CCDC102B: variants seen among roughly 807,000 people sequenced by gnomAD.
CCDC102B encodes coiled-coil domain-containing protein 102B.
In CCDC102B, 75 loss-of-function variants were observed where a neutral mutation model predicts 57.4. The ratio of observed to expected loss-of-function variants is 1.31; its 90% CI spans 1.08 to 1.58. The LOEUF (loss-of-function observed/expected upper bound fraction) is 1.58. Ranked by LOEUF, CCDC102B falls within the 40% of genes most tolerant of loss-of-function variation. CCDC102B has a pLI of 0.00. For synonymous variants in CCDC102B, 206 were observed against 201.9 expected (o/e 1.02, Z -0.17); for missense variants, 636 against 582.6 (o/e 1.09, Z -0.94).
chr18:68,810,196 CA>C (rs2036190097), intron 1 of CCDC102B, among the ~76,000 whole-genome samples: 1 of 151,908 alleles, frequency 6.6e-6, no homozygotes, highest in Non-Finnish European at 1.5e-5. Flanking sequence ...CTAATAACAC[CA>C]AAAAATTTGG....
chr18:68,967,488 T>C (rs1216769922), intron 6 of CCDC102B, among the ~76,000 whole-genome samples: 2 of 152,120 alleles, frequency 1.3e-5, no homozygotes, highest in Admixed American at 1.3e-4. Context: ...AAGATTAGAT[T>C]TGAACGAAGA....
chr18:69,006,396 T>TTG (rs1568119724), intron 6 of CCDC102B, among the ~76,000 whole-genome samples: 42 of 6,046 alleles, frequency 6.9e-3, no homozygotes, highest in African/African-American at 8.0e-3. Flanking sequence ...CTTTGAGATT[T>TTG]ATTTATTTAT....
chr18:68,799,106 G>A (rs532923568), intron 1 of CCDC102B, among the ~76,000 whole-genome samples: 229 of 151,984 alleles, frequency 1.5e-3, no homozygotes, highest in African/African-American at 5.4e-3. Flanking sequence ...CAACTTTTGA[G>A]TAAATATTCT....
At chr18:68,884,834 G>T (rs908574624) in intron 5 of CCDC102B, among the ~76,000 whole-genome samples, 1 of 151,034 alleles carries the variant, frequency 6.6e-6, no homozygotes. Context: ...TACTGTATAT[G>T]AGATTCATGC....
At chr18:69,012,752 A>G (rs2145398366) in intron 7 of CCDC102B, among the ~76,000 whole-genome samples, 1 of 152,218 alleles carries the variant, frequency 6.6e-6, no homozygotes, top group Non-Finnish European at 1.5e-5. Context: ...GCCTTTGCTG[A>G]CCCAAGATGG....
chr18:68,908,651 T>A (rs2040729419), intron 6 of CCDC102B: 1 of 152,156 alleles, frequency 6.6e-6, no homozygotes, highest in Non-Finnish European at 1.5e-5. Context: ...TTGGACTTCT[T>A]AAAAACATAG....
intron 2 of CCDC102B, among the ~76,000 whole-genome samples, chr18:68,789,785 G>A (rs879626556): frequency 0.054 from 7,597 of 140,792 alleles, 323 homozygotes; most frequent in African/African-American, 0.13. Context: ...ATGTCCTCCC[G>A]TAGCTCAGAG....
chr18:68,730,849 A>G (rs1157068871), intron 2 of CCDC102B, among the ~76,000 whole-genome samples: 1 of 152,240 alleles, frequency 6.6e-6, no homozygotes, highest in Non-Finnish European at 1.5e-5. Context: ...AATATAAGAA[A>G]GGTATCAACA....
At chr18:68,740,325 T>A (rs546439459) in intron 2 of CCDC102B, among the ~76,000 whole-genome samples, 1 of 152,334 alleles carries the variant, frequency 6.6e-6, no homozygotes, top group Middle Eastern at 3.4e-3. Flanking sequence ...TCTAGGAAAA[T>A]TTTTCTCCAA....
chr18:68,785,763 T>A (rs1308898187), intron 2 of CCDC102B, among the ~76,000 whole-genome samples: 1 of 150,782 alleles, frequency 6.6e-6, no homozygotes, highest in Non-Finnish European at 1.5e-5. Context: ...GAAAATTTTC[T>A]CCCATTCTGT....
Position 68,874,208 on chromosome 18 carries a change from GTGTGTATA to G in CCDC102B, c.937-459_937-452del, listed in dbSNP as rs1335399526. Among the ~76,000 whole-genome samples, 511 of 104,514 alleles carry G rather than the reference GTGTGTATA, an allele frequency of 4.9e-3. 2 individuals are homozygous for G. Among genetic ancestry groups the G allele is most frequent in the African/African-American group, 7.5e-3 (195 of 25,946 alleles). 68.6% of individuals were successfully genotyped at this position (104,514 alleles called of 152,430 possible). ...TGTGTGTGTGTGTGTGTGTGTGTGT[GTGTGTATA>G]TATATATACTTTATTTCCATTGCCC... On this transcript the variant is annotated intron_variant, in intron 4 of 7. Transcript: ENST00000360242.
At chr18:68,737,965 A>G (rs1453721151) in intron 2 of CCDC102B, among the ~76,000 whole-genome samples, 4 of 152,078 alleles carry the variant, frequency 2.6e-5, no homozygotes, top group Non-Finnish European at 4.4e-5. Context: ...GTGAATGGCT[A>G]CTTCCCCCTT....
intron 7 of CCDC102B, among the ~76,000 whole-genome samples, chr18:69,036,433 T>C (rs1032233270): frequency 6.6e-6 from 1 of 152,086 alleles, no homozygotes; most frequent in African/African-American, 2.4e-5. Flanking sequence ...AGAGTAGCAA[T>C]AGGAACAAAG....
chr18:68,834,171 TAC>T (rs1397499465), intron 1 of CCDC102B, among the ~76,000 whole-genome samples: 1 of 151,992 alleles, frequency 6.6e-6, no homozygotes, highest in Non-Finnish European at 1.5e-5. Flanking sequence ...TGTGAAAAAA[TAC>T]ACAGTTAATT....
chr18:69,052,551 A>C, intron 7 of CCDC102B, among the ~76,000 whole-genome samples: 1 of 151,882 alleles, frequency 6.6e-6, no homozygotes, highest in Admixed American at 6.6e-5. Context: ...AACAATAGGG[A>C]TATAATCTGA....
chr18:68,956,631 G>A (rs746531740), intron 6 of CCDC102B, among the ~76,000 whole-genome samples: 13 of 111,676 alleles, frequency 1.2e-4, no homozygotes, highest in African/African-American at 4.4e-4. Context: ...TATATATATC[G>A]CACCATACAT....
chr18:68,991,985 G>A (rs2050880040), intron 6 of CCDC102B, among the ~76,000 whole-genome samples: 2 of 151,978 alleles, frequency 1.3e-5, no homozygotes, highest in Admixed American at 6.6e-5. Context: ...ATATGATCTG[G>A]CTTATTAGGC....
At chr18:68,849,104 T>G (rs2038007334) in intron 4 of CCDC102B, among the ~76,000 whole-genome samples, 1 of 152,080 alleles carries the variant, frequency 6.6e-6, no homozygotes, top group South Asian at 2.1e-4. Context: ...TTGGGCCCCT[T>G]TATGGCTTAC....
At chr18:68,719,589 A>T (rs775619004) in intron 2 of CCDC102B, among the ~76,000 whole-genome samples, 13 of 152,156 alleles carry the variant, frequency 8.5e-5, no homozygotes, top group Non-Finnish European at 1.8e-4. Flanking sequence ...GAATTGGATG[A>T]TGCCCCCACC....
Sources: gnomAD v4.1 joint callset for allele counts (sites outside exome capture counted in the v4.1 genomes callset) on GRCh38, gnomAD v4.1.1 for gene constraint, MANE v1.5 for transcripts, NCBI Gene and HGNC (gene_info 2026-07-23, HGNC 2026-07-21) for gene names.